The following ACO2 variants were observed in gnomAD, a reference collection of about 807,000 sequenced individuals.
The protein encoded by ACO2 is aconitate hydratase, mitochondrial.
A neutral mutation model predicts 84.5 loss-of-function variants in ACO2; 31 were observed. The ratio of observed to expected loss-of-function variants is 0.37; its 90% confidence interval spans 0.28 to 0.50. The LOEUF is 0.50. ACO2 is among the 20% of genes least tolerant of loss of function. ACO2 has a pLI of 0.97. For synonymous variants in ACO2, 414 were observed against 412.7 expected, an observed-to-expected ratio of 1.00 and a Z score of -0.04; for missense variants, 685 against 1,029.3, an observed-to-expected ratio of 0.67 and a Z score of 4.58.
rs1444017347 is a variant in ACO2 at position 41,497,199 on chromosome 22, G to A, written c.37-2527G>A. On this transcript the variant is annotated intron_variant, in intron 1 of 17. Transcript: ENST00000216254. ...TTCTCCTGCCTCAGCCTCCTGAGTA[G>A]CTGGGATTATAGGTGCCCGCCACCA... Among the ~76,000 whole-genome samples, 3 of 152,112 alleles carry A rather than the reference G, an allele frequency of 2.0e-5. No individual in the cohort carries two copies. In the South Asian group the frequency reaches 6.2e-4, roughly 32 times the overall value.
At chr22:41,508,421 C>T (rs950636829) in intron 3 of ACO2, among the ~76,000 whole-genome samples, 3 of 152,182 alleles carry the variant, frequency 2.0e-5, no homozygotes, top group African/African-American at 7.2e-5. Flanking sequence ...CCCATTTGCA[C>T]CCACTCCCGC....
At chr22:41,517,232 C>A (rs930064467) in intron 6 of ACO2, 9 of 399,884 alleles carry the variant, frequency 2.3e-5, no homozygotes, top group Middle Eastern at 7.7e-4. Flanking sequence ...GACAGTCAGG[C>A]CCCAAGCTCG....
At chr22:41,504,503 AGGTCTTG>A (rs2066377616) in intron 2 of ACO2, among the ~76,000 whole-genome samples, 1 of 152,126 alleles carries the variant, frequency 6.6e-6, no homozygotes, top group East Asian at 1.9e-4. Flanking sequence ...TTTGCTTCCA[AGGTCTTG>A]GGTTTTTAAG....
At chr22:41,522,169 A>G (rs1053176690) in intron 9 of ACO2, among the ~76,000 whole-genome samples, 6 of 152,174 alleles carry the variant, frequency 3.9e-5, no homozygotes, top group Non-Finnish European at 7.3e-5. Context: ...TCTCTACAAA[A>G]ACAATTTATT....
At chr22:41,503,352 A>G (rs1410892081) in intron 2 of ACO2, among the ~76,000 whole-genome samples, 4 of 151,028 alleles carry the variant, frequency 2.6e-5, no homozygotes, top group Admixed American at 2.6e-4. Context: ...TTTGAAACGG[A>G]GTCTCGCTCT....
At chr22:41,483,917 G>A (rs2038119356) in intron 1 of ACO2, among the ~76,000 whole-genome samples, 1 of 152,192 alleles carries the variant, frequency 6.6e-6, no homozygotes, top group Non-Finnish European at 1.5e-5. Flanking sequence ...GTGAGTTCCA[G>A]AGAGGTATTA....
intron 6 of ACO2, among the ~76,000 whole-genome samples, chr22:41,516,640 C>T (rs1260876150): frequency 1.3e-5 from 2 of 152,222 alleles, no homozygotes; most frequent in Non-Finnish European, 2.9e-5. Context: ...GGCAGGTGGC[C>T]TGGTAGCAGC....
At chr22:41,495,576 T>C (rs1601896550) in intron 1 of ACO2, among the ~76,000 whole-genome samples, 2 of 152,150 alleles carry the variant, frequency 1.3e-5, no homozygotes, top group African/African-American at 4.8e-5. Context: ...TACAATGTAT[T>C]GTCTTGCCTA....
chr22:41,474,465 TTG>T (rs1247141292), intron 1 of ACO2, among the ~76,000 whole-genome samples: 5 of 149,586 alleles, frequency 3.3e-5, no homozygotes, highest in African/African-American at 1.3e-4. Context: ...GGCTAATTTT[TTG>T]TGTGTTTTTA....
chr22:41,526,050 G>A, intron 14 of ACO2: 1 of 514,736 alleles, frequency 1.9e-6, no homozygotes. Flanking sequence ...AGCAGCCAGA[G>A]GCCTTTGAGG....
chr22:41,512,134 T>A, intron 4 of ACO2, 166 bp downstream of exon 4: 1 of 553,688 alleles, frequency 1.8e-6, no homozygotes, highest in Middle Eastern at 4.4e-4. Context: ...ATTTTCATTA[T>A]GTCATTATAC....
chr22:41,520,002 G>A (rs2066509135), intron 8 of ACO2, among the ~76,000 whole-genome samples, 169 bp from the exon 9 acceptor site: 1 of 152,200 alleles, frequency 6.6e-6, no homozygotes, highest in Non-Finnish European at 1.5e-5. Context: ...GAGCCCGGGA[G>A]CGGGTGTGTG....
chr22:41,485,102 G>T (rs963882446), intron 1 of ACO2, among the ~76,000 whole-genome samples: 7 of 151,852 alleles, frequency 4.6e-5, no homozygotes, highest in African/African-American at 7.3e-5. Context: ...GTCTCAAACT[G>T]CCAACCTCAG....
At chr22:41,511,801 GT>G (rs2066435214) in intron 3 of ACO2, 74 bp from the exon 4 acceptor site, 2 of 1,070,024 alleles carry the variant, frequency 1.9e-6, no homozygotes, top group East Asian at 5.4e-5. Context: ...GGCTGATGGG[GT>G]GGGGAGGGCT....
chr22:41,528,070 CTTG>C, intron 17 of ACO2, 48 bp downstream of exon 17: 1 of 1,612,578 alleles, frequency 6.2e-7, no homozygotes, highest in Non-Finnish European at 8.5e-7. Context: ...GGGCAGCCAC[CTTG>C]TTTCCCCTCC....
chr22:41,516,570 C>T (rs937428558), intron 6 of ACO2, among the ~76,000 whole-genome samples: 3 of 152,186 alleles, frequency 2.0e-5, no homozygotes, highest in Non-Finnish European at 2.9e-5. Context: ...ACTCCTGCCA[C>T]GGGACTGCTC....
chr22:41,528,409 C>T (rs1482296516), intron 17 of ACO2, 70 bp from the exon 18 acceptor site: 2 of 1,575,904 alleles, frequency 1.3e-6, no homozygotes, highest in East Asian at 2.3e-5. Flanking sequence ...CCCTGTCTCC[C>T]TGACCCCCCT....
intron 8 of ACO2, among the ~76,000 whole-genome samples, 192 bp from the exon 9 acceptor site, chr22:41,519,979 G>A (rs1185163284): frequency 6.6e-6 from 1 of 152,184 alleles, no homozygotes; most frequent in African/African-American, 2.4e-5. Flanking sequence ...GCCCAGCCTT[G>A]CAGGGCTGGA....
Position 41,501,010 on chromosome 22 carries a change from A to AT in ACO2, c.173+1159dup, listed in dbSNP as rs199959557. On this transcript the variant is annotated intron_variant, in intron 2 of 17. Coordinates refer to ENST00000216254, the MANE Select transcript of ACO2 (RefSeq NM_001098.3). The stretch of plus-strand genomic sequence containing the variant: ...TGAGCCACTGTGCCCAGCTGGGACT[A>AT]TTTTTTTTTTTGAGACAGGGTCTCA... Among the ~76,000 whole-genome samples the AT allele has an allele frequency of 4.3e-3, 624 of 144,080 alleles. 23 individuals carry two copies. In the East Asian group the frequency reaches 0.1, roughly 23 times the overall value. 94.5% of individuals were successfully genotyped at this position (144,080 alleles called of 152,430 possible). A position where few individuals can be genotyped will look rare whatever the true frequency, so the allele number is the denominator to read the frequency against.
Sources: gnomAD v4.1 joint callset for allele counts (sites outside exome capture counted in the v4.1 genomes callset) on GRCh38, gnomAD v4.1.1 for gene constraint, MANE v1.5 for transcripts, NCBI Gene and HGNC (gene_info 2026-07-23, HGNC 2026-07-21) for gene names.